LINGO2: variants seen among roughly 807,000 people sequenced by gnomAD.
The protein encoded by LINGO2 is leucine rich repeat and Ig domain containing 2.
In LINGO2, 14 loss-of-function variants were observed where a neutral mutation model predicts 30.6. The ratio of observed to expected loss-of-function variants is 0.46; its 90% CI spans 0.30 to 0.72. LINGO2 has a LOEUF of 0.72. Ranked by LOEUF, LINGO2 falls within the 30% of genes least tolerant of loss-of-function variation. The pLI is 0.07. For synonymous variants in LINGO2, 317 were observed against 288.5 expected (o/e 1.10, Z -1.00); for missense variants, 729 against 751.7 (o/e 0.97, Z 0.35).
intron 4 of LINGO2, among the ~76,000 whole-genome samples, chr9:28,108,674 A>G (rs977731): frequency 0.13 from 19,145 of 152,098 alleles, 1,286 homozygotes; most frequent in East Asian, 0.22. Flanking sequence ...GCAACCTGGA[A>G]CTATTAGTTC....
At chr9:28,961,357 G>GTA in the LINGO2 span, among the ~76,000 whole-genome samples, 1 of 152,074 alleles carries the variant, frequency 6.6e-6, no homozygotes. Flanking sequence ...TATACTTGGG[G>GTA]TATATATGGC....
intron 5 of LINGO2, among the ~76,000 whole-genome samples, chr9:27,961,569 T>G (rs28478280): frequency 0.019 from 2,955 of 152,266 alleles, 98 homozygotes; most frequent in African/African-American, 0.068. Context: ...GCTTATACAC[T>G]GTGATAAGCT....
At chr9:28,824,041 C>CA in the LINGO2 span, among the ~76,000 whole-genome samples, 3 of 152,066 alleles carry the variant, frequency 2.0e-5, no homozygotes, top group Non-Finnish European at 4.4e-5. Flanking sequence ...CAGAGTAAAG[C>CA]AATTCCTGAA....
rs72709401 is a variant in LINGO2 at position 28,338,202 on chromosome 9, T to C, written c.-246+34634A>G. Among the ~76,000 whole-genome samples the C allele has an allele frequency of 6.4e-3, 968 of 152,250 alleles. 6 individuals are homozygous for C. Among genetic ancestry groups the C allele is most frequent in the Middle Eastern group, 0.024 (7 of 294 alleles). On this transcript the variant is annotated intron_variant, in intron 3 of 5. Transcript: ENST00000379992. Reference sequence around the variant, plus strand: ...GATGTGAGACAGGAGTCAAAGGAGTTTAGTTTTGACCTTTAATATTTGACT... The same window carrying C: ...GATGTGAGACAGGAGTCAAAGGAGTCTAGTTTTGACCTTTAATATTTGACT...
intron 1 of LINGO2, among the ~76,000 whole-genome samples, chr9:28,652,604 T>C (rs1158768275): frequency 6.6e-6 from 1 of 151,986 alleles, no homozygotes; most frequent in Non-Finnish European, 1.5e-5. Context: ...CCTTGTTGCT[T>C]CTTAAGAAAC....
At chr9:28,267,309 TTTAA>T (rs1822787262) in intron 4 of LINGO2, among the ~76,000 whole-genome samples, 1 of 152,006 alleles carries the variant, frequency 6.6e-6, no homozygotes, top group Admixed American at 6.6e-5. Context: ...CCAGTCTTTA[TTTAA>T]TTATCTTACA....
intron 1 of LINGO2, among the ~76,000 whole-genome samples, chr9:28,510,538 CA>C (rs1820331344): frequency 1.3e-5 from 2 of 151,792 alleles, no homozygotes. Context: ...CTTGCTGTGT[CA>C]GGGGTGGCAG....
chr9:28,506,348 A>G (rs757406315), intron 1 of LINGO2, among the ~76,000 whole-genome samples: 2 of 149,162 alleles, frequency 1.3e-5, no homozygotes, highest in Admixed American at 1.4e-4. Context: ...ATGGAGTGAC[A>G]TCCTAAGATT....
At chr9:28,699,330 C>G in the LINGO2 span, among the ~76,000 whole-genome samples, 1 of 151,966 alleles carries the variant, frequency 6.6e-6, no homozygotes, top group Non-Finnish European at 1.5e-5. Context: ...GGAGCTGCGG[C>G]AGAGGAACAT....
chr9:28,051,706 C>G, intron 4 of LINGO2, among the ~76,000 whole-genome samples: 1 of 152,000 alleles, frequency 6.6e-6, no homozygotes, highest in Non-Finnish European at 1.5e-5. Flanking sequence ...TCAAGTTCCA[C>G]AGCACATAGT....
chr9:27,970,480 A>G (rs1245229111), intron 5 of LINGO2, among the ~76,000 whole-genome samples: 4 of 146,412 alleles, frequency 2.7e-5, no homozygotes, highest in African/African-American at 1.1e-4. Context: ...TTGAGCTGGA[A>G]TTGAGCAGAT....
At chr9:28,807,130 T>G in the LINGO2 span, among the ~76,000 whole-genome samples, 1 of 151,918 alleles carries the variant, frequency 6.6e-6, no homozygotes, top group African/African-American at 2.4e-5. Flanking sequence ...ATTCACACCA[T>G]CCTCCTGCCT....
intron 4 of LINGO2, among the ~76,000 whole-genome samples, chr9:28,107,769 A>C (rs990281935): frequency 6.6e-6 from 1 of 152,160 alleles, no homozygotes; most frequent in African/African-American, 2.4e-5. Context: ...AACCTCATAA[A>C]TGATTCATTT....
At chr9:28,308,963 A>T (rs1278274541) in intron 3 of LINGO2, among the ~76,000 whole-genome samples, 1 of 152,148 alleles carries the variant, frequency 6.6e-6, no homozygotes, top group Admixed American at 6.5e-5. Flanking sequence ...GAGAAATAGG[A>T]ACACTTTTAC....
rs549603000 is a variant in LINGO2 at position 28,247,581 on chromosome 9, G to A, written c.-87+47627C>T. ...ACATGGACACAGGGAGGGGAACAAC[G>A]CACACTGGGGCCTGTAGGGAAGGGA... On this transcript the variant is annotated intron_variant, in intron 4 of 5. Coordinates refer to ENST00000379992, the Ensembl canonical transcript of LINGO2. 2.6e-5 allele frequency among the ~76,000 whole-genome samples: 4 copies of A among 152,140 alleles called. No homozygotes were observed. In the East Asian group the frequency reaches 5.8e-4, roughly 22 times the overall value.
chr9:28,369,701 G>A (rs1820822485), intron 3 of LINGO2, among the ~76,000 whole-genome samples: 1 of 152,186 alleles, frequency 6.6e-6, no homozygotes, highest in Non-Finnish European at 1.5e-5. Context: ...TGTAGCAAAA[G>A]TGGCAAGAAC....
At chr9:28,221,107 C>G (rs141562238) in intron 4 of LINGO2, among the ~76,000 whole-genome samples, 19,699 of 151,722 alleles carry the variant, frequency 0.13, 1,592 homozygotes, top group East Asian at 0.25. Context: ...AAACCATCCT[C>G]GCTAACACGG....
At chr9:28,632,761 T>G (rs1827033121) in intron 1 of LINGO2, among the ~76,000 whole-genome samples, 2 of 109,530 alleles carry the variant, frequency 1.8e-5, no homozygotes, top group African/African-American at 6.1e-5. Context: ...TCTATATATA[T>G]AGATTTATAT....
the LINGO2 span, among the ~76,000 whole-genome samples, chr9:29,195,673 C>G: frequency 2.0e-5 from 3 of 151,876 alleles, no homozygotes; most frequent in Admixed American, 6.6e-5. Context: ...TATGAAGTAT[C>G]AAATAGAAAA....
Sources: allele counts gnomAD v4.1 joint callset (sites outside exome capture counted in the v4.1 genomes callset), GRCh38; gene constraint gnomAD v4.1.1; transcripts MANE v1.5; gene names NCBI Gene and HGNC (gene_info 2026-07-23, HGNC 2026-07-21).